GPRIN3: variants seen among roughly 807,000 people sequenced by gnomAD.
The protein encoded by GPRIN3 is G protein-regulated inducer of neurite outgrowth 3.
A neutral mutation model predicts 13.7 loss-of-function variants in GPRIN3; 12 were observed. The ratio of observed to expected loss-of-function variants is 0.87; its 90% confidence interval spans 0.56 to 1.42. The LOEUF is 1.42. Among genes scored for constraint, GPRIN3 ranks in the 40% most tolerant of loss-of-function variants. The pLI, the probability that GPRIN3 is intolerant of heterozygous loss-of-function variation, is 0.00. For missense variants in GPRIN3, 1,009 were observed against 958.7 expected, an observed-to-expected ratio of 1.05 and a Z score of -0.69; for synonymous variants, 377 against 372.7, an observed-to-expected ratio of 1.01 and a Z score of -0.13.
chr4:89,273,530 T>C (rs1724015715), intron 1 of GPRIN3, among the ~76,000 whole-genome samples: 1 of 152,032 alleles, frequency 6.6e-6, no homozygotes. Context: ...CTACTAAAAA[T>C]ACAAAAATTA....
At chr4:89,284,280 T>C (rs1005920236) in intron 1 of GPRIN3, among the ~76,000 whole-genome samples, 2 of 152,232 alleles carry the variant, frequency 1.3e-5, no homozygotes, top group African/African-American at 2.4e-5. Flanking sequence ...GACCACATGC[T>C]GGAGGACTGC....
At chr4:89,254,561 CT>C (rs763196684) in intron 1 of GPRIN3, among the ~76,000 whole-genome samples, 86 of 152,128 alleles carry the variant, frequency 5.7e-4, no homozygotes, top group Non-Finnish European at 1.1e-3. Flanking sequence ...TGATCTCATT[CT>C]TTTTTTATGG....
chr4:89,289,647 G>A (rs141409938), intron 1 of GPRIN3, among the ~76,000 whole-genome samples: 70 of 152,260 alleles, frequency 4.6e-4, no homozygotes, highest in African/African-American at 1.5e-3. Flanking sequence ...TAGAAGCAAA[G>A]TGGGGACTTG....
chr4:89,248,166 C>T lies in GPRIN3; in HGVS notation c.1945G>A (p.Val649Met), dbSNP rs1443534638. The T allele has an allele frequency of 1.9e-6, 3 of 1,614,130 alleles. No homozygotes were observed. The highest frequency in any genetic ancestry group is 8.5e-7 in the Non-Finnish European group (1 of 1,180,006). ...SEFLKEQKLN[V>M]TAAAAQVGLT... ...CCTACCTGAGCAGCAGCTGCTGTCACATTTAACTTTTGCTCCTTGAGGAAC... is the reference window on the plus strand; with the variant it reads ...CCTACCTGAGCAGCAGCTGCTGTCATATTTAACTTTTGCTCCTTGAGGAAC... Residue 649 changes from valine to methionine, a missense_variant, in exon 2 of 2, where the codon GTG becomes ATG. By Grantham distance (21) the Val-to-Met change is conservative (BLOSUM62 1). Coordinates refer to ENST00000609438, the MANE Select transcript of GPRIN3 (RefSeq NM_198281.3).
chr4:89,250,272 C>T (rs559899556), intron 1 of GPRIN3, 39 bp from the exon 2 acceptor site: 14 of 1,351,656 alleles, frequency 1.0e-5, no homozygotes, highest in Middle Eastern at 2.8e-4. Context: ...TACAGTACGT[C>T]GCTTAAGGAT....
At chr4:89,253,334 T>C (rs898328363) in intron 1 of GPRIN3, among the ~76,000 whole-genome samples, 64 of 152,232 alleles carry the variant, frequency 4.2e-4, no homozygotes, top group African/African-American at 1.4e-3. Flanking sequence ...AAGAAAAACA[T>C]AATGTAAAAG....
chr4:89,264,695 G>T (rs1723736338), intron 1 of GPRIN3, among the ~76,000 whole-genome samples: 1 of 152,072 alleles, frequency 6.6e-6, no homozygotes, highest in South Asian at 2.1e-4. Context: ...ATCATGCAGG[G>T]CTTTGCTCAT....
At chr4:89,276,140 TATG>T (rs1324820357) in intron 1 of GPRIN3, among the ~76,000 whole-genome samples, 7 of 152,234 alleles carry the variant, frequency 4.6e-5, no homozygotes, top group African/African-American at 1.4e-4. Context: ...GGTATTTTTT[TATG>T]ATAACAATGA....
intron 1 of GPRIN3, among the ~76,000 whole-genome samples, chr4:89,293,519 C>G (rs570959093): frequency 3.3e-5 from 5 of 152,218 alleles, no homozygotes; most frequent in Non-Finnish European, 7.3e-5. Flanking sequence ...CACAGATCTC[C>G]TCTTTTGGTT....
chr4:89,264,037 G>A (rs1047755312), intron 1 of GPRIN3, among the ~76,000 whole-genome samples: 5 of 152,142 alleles, frequency 3.3e-5, no homozygotes, highest in Non-Finnish European at 4.4e-5. Context: ...TTCTATATCA[G>A]TTTGTTTTAC....
At chr4:89,264,785 C>T (rs770639318) in intron 1 of GPRIN3, among the ~76,000 whole-genome samples, 3 of 152,208 alleles carry the variant, frequency 2.0e-5, no homozygotes, top group Non-Finnish European at 4.4e-5. Context: ...TCTGCCACTT[C>T]TGAAGCCCAG....
At chr4:89,265,763 C>T (rs1208289467) in intron 1 of GPRIN3, among the ~76,000 whole-genome samples, 1 of 152,064 alleles carries the variant, frequency 6.6e-6, no homozygotes, top group Non-Finnish European at 1.5e-5. Flanking sequence ...CCTTTCTTCC[C>T]TTGCTCCTCC....
intron 1 of GPRIN3, among the ~76,000 whole-genome samples, chr4:89,268,424 G>C (rs1160291320): frequency 6.6e-6 from 1 of 152,156 alleles, no homozygotes; most frequent in Non-Finnish European, 1.5e-5. Context: ...ATGTTGGAGA[G>C]ATTGCAAAGA....
intron 1 of GPRIN3, among the ~76,000 whole-genome samples, chr4:89,277,562 C>T (rs1220588759): frequency 6.6e-6 from 1 of 152,256 alleles, no homozygotes; most frequent in Non-Finnish European, 1.5e-5. Context: ...ACTGCCATGT[C>T]TTCCCCGTCT....
At chr4:89,298,110 A>C (rs372107615) in intron 1 of GPRIN3, among the ~76,000 whole-genome samples, 8 of 152,186 alleles carry the variant, frequency 5.3e-5, no homozygotes, top group African/African-American at 1.9e-4. Flanking sequence ...ATGAAGTTAC[A>C]CTGAGGTTCT....
rs145721148 is a variant in GPRIN3, at chr4:89,249,151, C to T, written c.960G>A (p.Ala320=). ...KEVPSRAWQD[A]EVQAVASVES... ...CGACACTCGCCACTGCCTGCACCTC[C>T]GCATCTTGCCAAGCCCTGCTGGGAA... The change falls in exon 2 of 2, where the codon GCG becomes GCA. Residue 320 remains alanine (A), a synonymous_variant. Transcript: ENST00000609438. 533 of 1,614,212 alleles carry T rather than the reference C, an allele frequency of 3.3e-4. 1 individual carries two copies. In the African/African-American group the frequency reaches 3.3e-3, roughly 10 times the overall value.
intron 1 of GPRIN3, among the ~76,000 whole-genome samples, chr4:89,253,625 A>G (rs950545712): frequency 2.6e-5 from 4 of 152,244 alleles, no homozygotes; most frequent in Non-Finnish European, 5.9e-5. Context: ...TCAGAAGTCC[A>G]CTGTGTTTAC....
In GPRIN3 at chr4:89,249,402, G is replaced by T; in HGVS notation, c.709C>A (p.Pro237Thr). The change falls in exon 2 of 2, where the codon CCT becomes ACT. Residue 237 changes from proline to threonine, a missense_variant. Physicochemically the swap from Pro to Thr is conservative, Grantham distance 38. Coordinates refer to ENST00000609438, the MANE Select transcript of GPRIN3 (RefSeq NM_198281.3). Reference sequence around the variant, plus strand: ...GAACATCCAGATTCTCTAGTTAGAGGTTTACAGGACCTCATTTCAGAGTCA... The same window carrying T: ...GAACATCCAGATTCTCTAGTTAGAGTTTTACAGGACCTCATTTCAGAGTCA... ...ICDSEMRSCKPLTRESGCSEN... is the reference protein window; with the variant it reads ...ICDSEMRSCKTLTRESGCSEN... 6.2e-7 allele frequency: 1 copy of T among 1,614,088 alleles called. No individual in the cohort carries two copies. The highest frequency in any genetic ancestry group is 8.5e-7 in the Non-Finnish European group (1 of 1,180,012).
intron 1 of GPRIN3, among the ~76,000 whole-genome samples, chr4:89,260,435 G>A (rs1195047154): frequency 6.6e-6 from 1 of 152,170 alleles, no homozygotes; most frequent in African/African-American, 2.4e-5. Context: ...AAAAAGCGAG[G>A]AAGAGAAGGA....
Sources: allele counts gnomAD v4.1 joint callset (sites outside exome capture counted in the v4.1 genomes callset), GRCh38; gene constraint gnomAD v4.1.1; transcripts MANE v1.5; gene names NCBI Gene and HGNC (gene_info 2026-07-23, HGNC 2026-07-21).